The following TREML1 variants were observed in gnomAD, a reference collection of about 807,000 sequenced individuals.
TREML1 encodes the protein trem-like transcript 1 protein.
A neutral mutation model predicts 22.8 loss-of-function variants in TREML1; 27 were observed. The ratio of observed to expected loss-of-function variants is 1.19; its 90% CI spans 0.87 to 1.64. The LOEUF is 1.64. Among genes scored for constraint, TREML1 ranks in the 40% most tolerant of loss-of-function variants. The pLI, the probability that TREML1 is intolerant of heterozygous loss-of-function variation, is 0.00. For missense variants in TREML1, 356 were observed against 382.0 expected (o/e 0.93, Z 0.57); for synonymous variants, 153 against 161.9 (o/e 0.94, Z 0.42).
chr6:41,151,136 G>A lies in TREML1; in HGVS notation c.479+146C>T, dbSNP rs538897563. On this transcript the variant is annotated intron_variant, in intron 3 of 5. Coordinates refer to ENST00000426005, the MANE Select transcript of TREML1 (RefSeq NM_178174.4). ...TTGCTGACCCAGGACAGAGAAGTAT[G>A]TATCTGTCTGTCTGTCTGTCCAGAA... 3.5e-4 allele frequency: 260 copies of A among 752,498 alleles called. 2 individuals carry two copies. The African/African-American group carries it at 4.0e-3, about 12-fold the overall frequency. The allele number at this position is 752,498 out of a possible 1,614,324, so 46.6% of individuals were successfully genotyped here. A position where few individuals can be genotyped will look rare whatever the true frequency, so the allele number is the denominator to read the frequency against.
In TREML1 at chr6:41,149,652, CGAG is replaced by C; in HGVS notation, c.885_887del (p.Ser296del). The C allele has an allele frequency of 6.2e-7, 1 of 1,614,046 alleles. No homozygotes were observed. The highest frequency in any genetic ancestry group is 2.2e-5 in the East Asian group (1 of 44,884). On this transcript the variant is annotated inframe_deletion, in exon 6 of 6. Transcript: ENST00000426005. Reference sequence around the variant, plus strand: ...TAGGTGGATTCTGGGCTGGCCCACACGAGGTCCCTCCACCCTTGTTCCCTCCCG... The same window carrying C: ...TAGGTGGATTCTGGGCTGGCCCACACGTCCCTCCACCCTTGTTCCCTCCCG...
In TREML1 at chr6:41,149,573, G is replaced by A; in HGVS notation, c.*31C>T. Reference sequence around the variant, plus strand: ...TGGATGCACAGAACCCCTAGGGATGGTCCTCATGAGTTTAAAGTGTGATGA... The same window carrying A: ...TGGATGCACAGAACCCCTAGGGATGATCCTCATGAGTTTAAAGTGTGATGA... On this transcript the variant is annotated 3_prime_UTR_variant, in exon 6 of 6. Transcript: ENST00000426005. 6.3e-7 allele frequency: 1 copy of A among 1,582,802 alleles called. No individual in the cohort carries two copies. Among genetic ancestry groups the A allele is most frequent in the South Asian group, 1.2e-5 (1 of 84,990 alleles).
At chr6:41,153,059 TA>T (rs34853146) in intron 2 of TREML1, among the ~76,000 whole-genome samples, 126 of 142,948 alleles carry the variant, frequency 8.8e-4, no homozygotes, top group African/African-American at 1.9e-3. Flanking sequence ...CTATCTTTCT[TA>T]AAAAAAAAAA....
chr6:41,154,334 T>G lies in TREML1; in HGVS notation c.-46A>C, dbSNP rs747394345. 28 of 1,562,606 alleles carry G rather than the reference T, an allele frequency of 1.8e-5. No individual in the cohort carries two copies. Among genetic ancestry groups the G allele is most frequent in the Non-Finnish European group, 2.5e-5 (28 of 1,134,538 alleles). On this transcript the variant is annotated 5_prime_UTR_variant, in exon 1 of 6. Coordinates refer to ENST00000426005, the MANE Select transcript of TREML1 (RefSeq NM_178174.4). ...ACTCCTGGGCTTGCCTGGGCACTGA[T>G]GCAGCATTCGCCTGAGGGCAGGAAA...
Position 41,150,812 on chromosome 6 carries a change from C to T in TREML1, c.568+7G>A, listed in dbSNP as rs1329206156. The T allele has an allele frequency of 6.2e-7, 1 of 1,613,386 alleles. No homozygotes were observed. The highest frequency in any genetic ancestry group is 8.5e-7 in the Non-Finnish European group (1 of 1,179,368). On this transcript the variant is annotated splice_region_variant and intron_variant, in intron 4 of 5. Transcript: ENST00000426005. ...GGCCAGGCTGAGATAGGAAGATAGC[C>T]ACCTACCTTGTTTCCTCTTGGCCAT...
upstream of TREML1, among the ~76,000 whole-genome samples, chr6:41,155,305 G>GTGTTT (rs1423435942): frequency 1.3e-5 from 2 of 151,846 alleles, no homozygotes; most frequent in African/African-American, 4.8e-5. Flanking sequence ...CATACCTTGA[G>GTGTTT]TGCAACGTCC....
rs756821772 is a variant in TREML1 at position 41,153,746 on chromosome 6, AG to A, written c.376+11del. ...AGGTCTAAGGGGTGGTAGCTGGCCT[AG>A]GATAACTCACCTGGGGGCAGTATGT... On this transcript the variant is annotated intron_variant, in intron 2 of 5. Coordinates refer to ENST00000426005, the MANE Select transcript of TREML1 (RefSeq NM_178174.4). 6.3e-7 allele frequency: 1 copy of A among 1,588,882 alleles called. No individual in the cohort carries two copies. Among genetic ancestry groups the A allele is most frequent in the African/African-American group, 1.3e-5 (1 of 74,274 alleles).
At chr6:41,154,153 C>G in intron 1 of TREML1, 63 bp from the exon 2 acceptor site, 1 of 1,589,846 alleles carries the variant, frequency 6.3e-7, no homozygotes, top group African/African-American at 1.3e-5. Context: ...AGCCCAGCTG[C>G]TGGTATGGGT....
chr6:41,149,882 C>G lies in TREML1; in HGVS notation c.658G>C (p.Gly220Arg). 6.2e-7 allele frequency: 1 copy of G among 1,614,042 alleles called. No homozygotes were observed. The highest frequency in any genetic ancestry group is 1.1e-5 in the South Asian group (1 of 91,082). ...TCCAAAGGCAATTCAGCAGCCGGTCCAGAGTCACTGACGTGGTGGACCACT... is the reference window on the plus strand; with the variant it reads ...TCCAAAGGCAATTCAGCAGCCGGTCGAGAGTCACTGACGTGGTGGACCACT... The part of the protein sequence containing the change: ...SSVVHHVSDS[G>R]PAAELPLDVP... Residue 220 changes from glycine (G) to arginine (R), a missense_variant, in exon 6 of 6, where the codon GGA becomes CGA. By Grantham distance (125) the Gly-to-Arg change is moderately radical. Transcript: ENST00000426005.
At chr6:41,150,668 C>A in intron 4 of TREML1, 151 bp downstream of exon 4, 1 of 699,472 alleles carries the variant, frequency 1.4e-6, no homozygotes. Flanking sequence ...CATCCCTCAG[C>A]CCTGGGAATT....
At position 41,152,266 on chromosome 6, in the gene TREML1, C is replaced by T. The variant is rs61735196; in HGVS notation, c.377-882G>A. 1.5e-3 allele frequency among the ~76,000 whole-genome samples: 235 copies of T among 152,228 alleles called. 1 individual carries two copies. The Middle Eastern group carries it at 0.017, about 11-fold the overall frequency. ...CTAAATGCTCACCTGAGCCGCAAGCCACATCATCTCTGGATGCTACGCGCC... is the reference window on the plus strand; with the variant it reads ...CTAAATGCTCACCTGAGCCGCAAGCTACATCATCTCTGGATGCTACGCGCC... On this transcript the variant is annotated intron_variant, in intron 2 of 5. Coordinates refer to ENST00000426005, the MANE Select transcript of TREML1 (RefSeq NM_178174.4).
chr6:41,149,856 A>G lies in TREML1; in HGVS notation c.684T>C (p.Asp228=). The G allele has an allele frequency of 6.2e-7, 1 of 1,614,176 alleles. No homozygotes were observed. The highest frequency in any genetic ancestry group is 8.5e-7 in the Non-Finnish European group (1 of 1,180,034). The part of the protein sequence containing the change: ...DSGPAAELPL[D]VPHIRLDSPP... ...GTGAGTCAAGCCTAATGTGTGGTAC[A>G]TCCAAAGGCAATTCAGCAGCCGGTC... Residue 228 remains aspartate, a synonymous_variant, in exon 6 of 6, where the codon GAT becomes GAC. Transcript: ENST00000426005.
At chr6:41,153,067 AAAAC>A (rs1765310831) in intron 2 of TREML1, among the ~76,000 whole-genome samples, 1 of 151,844 alleles carries the variant, frequency 6.6e-6, no homozygotes. Context: ...CTTAAAAAAA[AAAAC>A]CCAAGTTTTT....
At chr6:41,155,221 C>T (rs1002281012), upstream of TREML1, among the ~76,000 whole-genome samples, 7 of 152,196 alleles carry the variant, frequency 4.6e-5, no homozygotes, top group African/African-American at 1.7e-4. Context: ...AATATTTTCA[C>T]ATTGCTGCAT....
Position 41,153,938 on chromosome 6 carries a change from C to T in TREML1, c.196G>A (p.Ala66Thr). The change falls in exon 2 of 6, where the codon GCT becomes ACT. Residue 66 changes from alanine to threonine, a missense_variant. Physicochemically the swap from Ala to Thr is moderately conservative, Grantham distance 58. Transcript: ENST00000426005. ...CCCGCTGGAGCTCTGCGATCCACAGCTGAGGACACCAGGGGCTGGCACCCC... is the reference window on the plus strand; with the variant it reads ...CCCGCTGGAGCTCTGCGATCCACAGTTGAGGACACCAGGGGCTGGCACCCC... Reference protein sequence around the residue: ...PEGCQPLVSSAVDRRAPAGRR... With the variant: ...PEGCQPLVSSTVDRRAPAGRR... The T allele has an allele frequency of 6.2e-7, 1 of 1,614,228 alleles. No individual in the cohort carries two copies. The highest frequency in any genetic ancestry group is 8.5e-7 in the Non-Finnish European group (1 of 1,180,046).
At position 41,154,026 on chromosome 6, in the gene TREML1, C is replaced by A. The variant is rs745437462; in HGVS notation, c.108G>T (p.Val36=). ...LQAPVGSSIL[V]QCHYRLQDVK... ...CATCCTGGAGCCTGTAGTGGCACTG[C>A]ACCAGAATGGAGCTTCCCACGGGTG... is the stretch of plus-strand genomic sequence containing the variant. The change falls in exon 2 of 6, where the codon GTG becomes GTT. Residue 36 remains valine, a synonymous_variant. Coordinates refer to ENST00000426005, the MANE Select transcript of TREML1 (RefSeq NM_178174.4). 5.6e-6 allele frequency: 9 copies of A among 1,614,020 alleles called. No individual in the cohort carries two copies. In the East Asian group the frequency reaches 1.8e-4, roughly 32 times the overall value.
chr6:41,151,275 T>TCAGTA lies in TREML1; in HGVS notation c.479+2_479+6dup. On this transcript the variant is annotated splice_region_variant and intron_variant, in intron 3 of 5. Transcript: ENST00000426005. ...TCCTGGCCTCCCAAATCCAATCCTG[T>TCAGTA]CAGTACCTCTTCTCATCCTGGCTGG... 1 of 1,613,630 alleles carries TCAGTA rather than the reference T, an allele frequency of 6.2e-7. No homozygotes were observed. The highest frequency in any genetic ancestry group is 8.5e-7 in the Non-Finnish European group (1 of 1,179,496).
At chr6:41,153,670 C>T (rs760504937) in intron 2 of TREML1, 88 bp downstream of exon 2, 274 of 1,388,578 alleles carry the variant, frequency 2.0e-4, no homozygotes, top group Middle Eastern at 3.7e-4. Flanking sequence ...CCAGGGGCCC[C>T]CACTCCTCAA....
chr6:41,152,212 T>A (rs1412627762), intron 2 of TREML1, among the ~76,000 whole-genome samples: 7 of 152,126 alleles, frequency 4.6e-5, no homozygotes, highest in Admixed American at 2.6e-4. Flanking sequence ...TGGTGCCTAT[T>A]AGGCTGCCTT....
Sources: gnomAD v4.1 joint callset for allele counts (sites outside exome capture counted in the v4.1 genomes callset) on GRCh38, gnomAD v4.1.1 for gene constraint, MANE v1.5 for transcripts, NCBI Gene and HGNC (gene_info 2026-07-23, HGNC 2026-07-21) for gene names.